The following CNTNAP3B variants were observed in gnomAD, a reference collection of about 807,000 sequenced individuals.
CNTNAP3B encodes the protein contactin-associated protein-like 3B.
In CNTNAP3B, 25 loss-of-function variants were observed where a neutral mutation model predicts 108.9. That is an observed-to-expected ratio of 0.23 (90% confidence interval 0.17 to 0.32). The LOEUF (loss-of-function observed/expected upper bound fraction) is 0.32, where lower values mean the gene tolerates loss of function less well. CNTNAP3B is among the 10% of genes least tolerant of loss of function. The pLI is 1.00. For synonymous variants in CNTNAP3B, 103 were observed against 473.4 expected (o/e 0.22, Z 10.16); for missense variants, 252 against 1,210.4 (o/e 0.21, Z 11.75).
intron 10 of CNTNAP3B, among the ~76,000 whole-genome samples, chr9:41,966,188 C>G (rs1825268518): frequency 6.6e-6 from 1 of 152,260 alleles, no homozygotes; most frequent in Admixed American, 6.5e-5. Flanking sequence ...ACATCCTTCT[C>G]CCCCTCCTCC....
intron 23 of CNTNAP3B, among the ~76,000 whole-genome samples, chr9:41,894,347 C>G (rs1373747258): frequency 5.9e-5 from 6 of 101,278 alleles, no homozygotes; most frequent in Non-Finnish European, 9.5e-5. Flanking sequence ...AGGCTGGTCT[C>G]GAACTCCTGG....
chr9:41,924,929 G>A (rs1445908548), intron 15 of CNTNAP3B, among the ~76,000 whole-genome samples: 2 of 152,172 alleles, frequency 1.3e-5, no homozygotes, highest in Admixed American at 1.3e-4. Flanking sequence ...ACATACTCAT[G>A]ATTGGATTCA....
chr9:41,924,393 T>G (rs1299904357), intron 15 of CNTNAP3B, among the ~76,000 whole-genome samples: 1 of 152,302 alleles, frequency 6.6e-6, no homozygotes, highest in African/African-American at 2.4e-5. Flanking sequence ...CAGAATCACC[T>G]CAAAGGTACG....
chr9:42,053,983 C>A (rs1449677825), intron 3 of CNTNAP3B, among the ~76,000 whole-genome samples: 1 of 151,906 alleles, frequency 6.6e-6, no homozygotes, highest in Non-Finnish European at 1.5e-5. Context: ...GGGAGTATAT[C>A]AACACAAAGG....
At chr9:41,934,799 CT>C (rs1824104355) in intron 14 of CNTNAP3B, among the ~76,000 whole-genome samples, 3 of 152,274 alleles carry the variant, frequency 2.0e-5, no homozygotes, top group East Asian at 3.8e-4. Flanking sequence ...AATCTAATAT[CT>C]GGTTTTTAAA....
At chr9:41,966,694 G>A (rs1419526017) in intron 10 of CNTNAP3B, among the ~76,000 whole-genome samples, 1 of 152,256 alleles carries the variant, frequency 6.6e-6, no homozygotes, top group South Asian at 2.1e-4. Flanking sequence ...CTGGCTGGGT[G>A]TGGTGGCTCA....
chr9:41,928,385 A>G (rs1192338221), intron 15 of CNTNAP3B, among the ~76,000 whole-genome samples: 1 of 152,058 alleles, frequency 6.6e-6, no homozygotes, highest in Non-Finnish European at 1.5e-5. Context: ...AGGAGCCCCC[A>G]GACAAGGGTC....
At chr9:41,924,893 A>G (rs1282930258) in intron 15 of CNTNAP3B, among the ~76,000 whole-genome samples, 7 of 152,262 alleles carry the variant, frequency 4.6e-5, no homozygotes, top group African/African-American at 1.7e-4. Context: ...TGACTTTCAG[A>G]ATGTTCCTCA....
chr9:41,926,722 G>A (rs1452497323), intron 15 of CNTNAP3B: 10 of 152,454 alleles, frequency 6.6e-5, no homozygotes, highest in African/African-American at 4.8e-5. Context: ...CTCCCAAAAA[G>A]AGAAGGGAAT....
At chr9:42,117,499 C>G (rs536105644) in intron 1 of CNTNAP3B, among the ~76,000 whole-genome samples, 1 of 141,356 alleles carries the variant, frequency 7.1e-6, no homozygotes, top group Non-Finnish European at 1.5e-5. Context: ...CACAACATAC[C>G]AGAATCTCTG....
intron 1 of CNTNAP3B, among the ~76,000 whole-genome samples, chr9:42,120,049 T>A (rs1192417139): frequency 6.7e-6 from 1 of 149,858 alleles, no homozygotes; most frequent in Non-Finnish European, 1.5e-5. Context: ...ACCTACAGAA[T>A]GGAAGGAAAT....
At chr9:41,962,422 C>T (rs1587151886) in intron 11 of CNTNAP3B, among the ~76,000 whole-genome samples, 1 of 152,138 alleles carries the variant, frequency 6.6e-6, no homozygotes, top group Non-Finnish European at 1.5e-5. Flanking sequence ...AGTGAATAAC[C>T]ATGGACTAAT....
rs1829156616 is a variant in CNTNAP3B at position 42,113,956 on chromosome 9, A to T, written c.86-9217T>A. Among the ~76,000 whole-genome samples, 2 of 134,178 alleles carry T rather than the reference A, an allele frequency of 1.5e-5. 1 individual carries two copies. The highest frequency in any genetic ancestry group is 5.0e-4 in the South Asian group (2 of 4,016). 88.0% of individuals were successfully genotyped at this position (134,178 alleles called of 152,430 possible). On this transcript the variant is annotated intron_variant, in intron 1 of 23. Coordinates refer to ENST00000377561, the MANE Select transcript of CNTNAP3B (RefSeq NM_001201380.3). ...AACCACAAAATTAAAAACTAAAAAA[A>T]TTAAAAATAATAATAATTCTTTCTA...
chr9:41,942,812 C>T (rs1249326839), intron 13 of CNTNAP3B, among the ~76,000 whole-genome samples: 9 of 151,586 alleles, frequency 5.9e-5, no homozygotes, highest in African/African-American at 2.2e-4. Flanking sequence ...ATAAAATAAC[C>T]TTAGAGGAAA....
intron 14 of CNTNAP3B, among the ~76,000 whole-genome samples, chr9:41,934,699 T>A (rs1358134389): frequency 6.6e-6 from 1 of 152,300 alleles, no homozygotes; most frequent in African/African-American, 2.4e-5. Flanking sequence ...TGGTAAATAT[T>A]TTCTATTCTT....
At chr9:41,965,796 T>A (rs1208084486) in intron 10 of CNTNAP3B, among the ~76,000 whole-genome samples, 1 of 152,078 alleles carries the variant, frequency 6.6e-6, no homozygotes, top group Non-Finnish European at 1.5e-5. Flanking sequence ...AACTGGGGTA[T>A]GAAGTTGACA....
intron 2 of CNTNAP3B, among the ~76,000 whole-genome samples, chr9:42,094,658 G>A (rs1319541320): frequency 7.1e-5 from 7 of 98,380 alleles, no homozygotes; most frequent in Non-Finnish European, 1.3e-4. Context: ...CTGTGTTTCA[G>A]AAAAAGAAAG....
At position 42,127,970 on chromosome 9, in the gene CNTNAP3B, A is replaced by G. The variant is rs1034707327; in HGVS notation, c.85+1040T>C. 8.2e-4 allele frequency among the ~76,000 whole-genome samples: 115 copies of G among 139,758 alleles called. 17 individuals are homozygous for G. Among genetic ancestry groups the G allele is most frequent in the Admixed American group, 8.2e-3 (115 of 14,098 alleles). 91.7% of individuals were successfully genotyped at this position (139,758 alleles called of 152,430 possible). A position where few individuals can be genotyped will look rare whatever the true frequency, so the allele number is the denominator to read the frequency against. Reference sequence around the variant, plus strand: ...TTTCCAAACATGGCCACTAGCATTTATTGGAACTTATTTCGAAAGAGATTT... The same window carrying G: ...TTTCCAAACATGGCCACTAGCATTTGTTGGAACTTATTTCGAAAGAGATTT... On this transcript the variant is annotated intron_variant, in intron 1 of 23. Coordinates refer to ENST00000377561, the MANE Select transcript of CNTNAP3B (RefSeq NM_001201380.3).
rs548591616 is a variant in CNTNAP3B at position 42,042,953 on chromosome 9, C to A, written c.391-29428G>T. 1.8e-4 allele frequency among the ~76,000 whole-genome samples: 27 copies of A among 148,592 alleles called. 2 individuals carry two copies. Among genetic ancestry groups the A allele is most frequent in the African/African-American group, 6.9e-4 (27 of 39,388 alleles). On this transcript the variant is annotated intron_variant, in intron 3 of 23. Transcript: ENST00000377561. ...TGACTTTTTGCTAGTTTTTGAATAGCCCAAAGAAAATGGGATTATATTCTC... is the reference window on the plus strand; with the variant it reads ...TGACTTTTTGCTAGTTTTTGAATAGACCAAAGAAAATGGGATTATATTCTC...
Sources: allele counts gnomAD v4.1 joint callset (sites outside exome capture counted in the v4.1 genomes callset), GRCh38; gene constraint gnomAD v4.1.1; transcripts MANE v1.5; gene names NCBI Gene and HGNC (gene_info 2026-07-23, HGNC 2026-07-21).